Variants in MCM8 observed in about 807,000 individuals in gnomAD.
The protein encoded by MCM8 is minichromosome maintenance 8 homologous recombination repair factor.
A neutral mutation model predicts 98.9 loss-of-function variants in MCM8; 85 were observed. The observed-to-expected ratio is 0.86, with a 90% CI of 0.72 to 1.03. The LOEUF is 1.03. Among genes scored for constraint, MCM8 ranks in the 50% least tolerant of loss-of-function variants. The pLI, the probability that MCM8 is intolerant of heterozygous loss-of-function variation, is 0.00. For synonymous variants in MCM8, 352 were observed against 338.6 expected (o/e 1.04, Z -0.44); for missense variants, 951 against 997.8 (o/e 0.95, Z 0.63).
intron 12 of MCM8, among the ~76,000 whole-genome samples, chr20:5,973,491 T>C (rs2089446604): frequency 6.6e-6 from 1 of 152,242 alleles, no homozygotes; most frequent in South Asian, 2.1e-4. Flanking sequence ...TGTTGTTAGT[T>C]GTTATGTGAC....
chr20:5,957,994 T>G (rs1352240052), intron 6 of MCM8, among the ~76,000 whole-genome samples: 1 of 149,820 alleles, frequency 6.7e-6, no homozygotes, highest in African/African-American at 2.5e-5. Context: ...GGCATTATTT[T>G]TTTCCTTAAA....
chr20:5,968,481 T>C (rs1444456547), intron 10 of MCM8, among the ~76,000 whole-genome samples: 3 of 152,174 alleles, frequency 2.0e-5, no homozygotes, highest in Non-Finnish European at 4.4e-5. Flanking sequence ...GAGATGGAGA[T>C]TGCAGTGAGC....
chr20:5,969,332 C>T (rs2089348574), intron 10 of MCM8, among the ~76,000 whole-genome samples: 1 of 152,142 alleles, frequency 6.6e-6, no homozygotes, highest in African/African-American at 2.4e-5. Context: ...TGGCTCAAGC[C>T]CGTAATCCCA....
At chr20:5,982,395 A>C (rs1389378716) in intron 13 of MCM8, among the ~76,000 whole-genome samples, 1 of 152,182 alleles carries the variant, frequency 6.6e-6, no homozygotes, top group Non-Finnish European at 1.5e-5. Flanking sequence ...GACAAGCATT[A>C]CGAGGTAATG....
chr20:5,956,630 G>A (rs1159267836), intron 5 of MCM8, among the ~76,000 whole-genome samples: 1 of 152,116 alleles, frequency 6.6e-6, no homozygotes, highest in African/African-American at 2.4e-5. Context: ...CTGACCTCAG[G>A]GGATCCACCC....
intron 8 of MCM8, among the ~76,000 whole-genome samples, chr20:5,963,702 G>T (rs982002314): frequency 1.3e-5 from 2 of 151,644 alleles, no homozygotes; most frequent in Admixed American, 6.6e-5. Flanking sequence ...TAATTTTTTT[G>T]TATTTTTAGT....
intron 13 of MCM8, among the ~76,000 whole-genome samples, chr20:5,978,674 G>A (rs900446190): frequency 2.0e-5 from 3 of 151,932 alleles, no homozygotes; most frequent in Non-Finnish European, 2.9e-5. Flanking sequence ...AGCCATTCTC[G>A]TGCCTCCTGA....
chr20:5,976,649 G>A (rs1056256690), intron 12 of MCM8, among the ~76,000 whole-genome samples: 3 of 152,206 alleles, frequency 2.0e-5, no homozygotes, highest in South Asian at 2.1e-4. Flanking sequence ...CATGCACTGC[G>A]CGTGCCCCCA....
At chr20:5,974,391 G>A (rs979939224) in intron 12 of MCM8, among the ~76,000 whole-genome samples, 1 of 152,196 alleles carries the variant, frequency 6.6e-6, no homozygotes, top group Non-Finnish European at 1.5e-5. Context: ...GCCTTCCAAA[G>A]TGCTGGGATT....
At chr20:5,983,852 GC>G (rs1053353316) in intron 14 of MCM8, among the ~76,000 whole-genome samples, 6 of 152,206 alleles carry the variant, frequency 3.9e-5, no homozygotes, top group Admixed American at 2.0e-4. Flanking sequence ...TCATACAAGT[GC>G]ACAACGATAG....
chr20:5,998,185 A>C lies in MCM8; in HGVS notation c.*3794A>C, dbSNP rs541604389. 20 of 152,344 alleles carry C rather than the reference A, an allele frequency of 1.3e-4. No homozygotes were observed. Among genetic ancestry groups the C allele is most frequent in the African/African-American group, 4.8e-4 (20 of 41,572 alleles). The allele number at this position is 152,344 out of a possible 1,614,324, so 9.4% of individuals were successfully genotyped here. On this transcript the variant is annotated 3_prime_UTR_variant, in exon 19 of 19. Coordinates refer to ENST00000610722, the MANE Select transcript of MCM8 (RefSeq NM_032485.6). Reference sequence around the variant, plus strand: ...TATTGACTAGCCAAAGAGGTGGATAAATGTAGATACAATGATACGGTGATT... The same window carrying C: ...TATTGACTAGCCAAAGAGGTGGATACATGTAGATACAATGATACGGTGATT...
At position 5,957,230 on chromosome 20, in the gene MCM8, GT is replaced by G; in HGVS notation, c.590+2del. On this transcript the variant is annotated splice_donor_variant, in intron 6 of 18. Coordinates refer to ENST00000610722, the MANE Select transcript of MCM8 (RefSeq NM_032485.6). LOFTEE classifies it high-confidence loss of function. The stretch of plus-strand genomic sequence containing the variant: ...TAAATGTGCCACATATTCATGCAAG[GT>G]GAGGAATTTGATGTATTAAAGTATT... The G allele has an allele frequency of 6.2e-7, 1 of 1,609,500 alleles. No homozygotes were observed. The highest frequency in any genetic ancestry group is 8.5e-7 in the Non-Finnish European group (1 of 1,176,576).
rs138625511 is a variant in MCM8, at chr20:5,977,539, T to C, written c.1396-337T>C. Reference sequence around the variant, plus strand: ...CCTTCAAAATTAAAATTGGTACTCATGTTTTTGCTTTTCGAACTTGAAAAT... The same window carrying C: ...CCTTCAAAATTAAAATTGGTACTCACGTTTTTGCTTTTCGAACTTGAAAAT... On this transcript the variant is annotated intron_variant, in intron 12 of 18. Transcript: ENST00000610722. Among the ~76,000 whole-genome samples the C allele has an allele frequency of 1.3e-3, 195 of 152,352 alleles. 1 individual carries two copies. The highest frequency in any genetic ancestry group is 7.9e-3 in the East Asian group (41 of 5,192).
chr20:5,960,997 A>G (rs538414762), intron 7 of MCM8, among the ~76,000 whole-genome samples: 3 of 152,282 alleles, frequency 2.0e-5, no homozygotes, highest in African/African-American at 4.8e-5. Context: ...TATTTCCTAC[A>G]TTGCTTCTAA....
At chr20:5,992,273 G>T (rs1339778591) in intron 17 of MCM8, among the ~76,000 whole-genome samples, 1 of 152,110 alleles carries the variant, frequency 6.6e-6, no homozygotes, top group Non-Finnish European at 1.5e-5. Flanking sequence ...CTTAGCATAG[G>T]TTGGTGCAAA....
At chr20:5,964,490 G>A (rs546050524) in intron 8 of MCM8, 2 of 152,348 alleles carry the variant, frequency 1.3e-5, no homozygotes, top group Admixed American at 6.5e-5. Flanking sequence ...GGTAGAGCCT[G>A]ATTTCCAACC....
chr20:5,953,675 G>A (rs142120828), intron 3 of MCM8, among the ~76,000 whole-genome samples: 3,666 of 151,812 alleles, frequency 0.024, 134 homozygotes, highest in African/African-American at 0.077. Flanking sequence ...GGGTTTCACC[G>A]TGTTAGCTAG....
intron 11 of MCM8, chr20:5,972,846 A>G: frequency 7.4e-7 from 1 of 1,347,458 alleles, no homozygotes; most frequent in Non-Finnish European, 9.8e-7. Flanking sequence ...TTTCTAAGAT[A>G]GCTCTGATTT....
At chr20:5,981,612 T>C (rs1310891601) in intron 13 of MCM8, among the ~76,000 whole-genome samples, 1 of 152,180 alleles carries the variant, frequency 6.6e-6, no homozygotes, top group South Asian at 2.1e-4. Flanking sequence ...AGAATTCATA[T>C]ATACTGTGTC....
Sources: allele counts gnomAD v4.1 joint callset (sites outside exome capture counted in the v4.1 genomes callset), GRCh38; gene constraint gnomAD v4.1.1; transcripts MANE v1.5; gene names NCBI Gene and HGNC (gene_info 2026-07-23, HGNC 2026-07-21).